Variants in AKAP13 observed in about 807,000 individuals in gnomAD.
AKAP13 encodes A-kinase anchoring protein 13, also known as A-kinase anchor protein 13.
AKAP13 carries 80 observed loss-of-function variants against 264.5 expected under a neutral mutation model. The observed-to-expected ratio is 0.30, with a 90% CI of 0.25 to 0.36. The LOEUF is 0.36. Among genes scored for constraint, AKAP13 ranks in the 10% least tolerant of loss-of-function variants. The probability of loss-of-function intolerance (pLI) is 1.00; values close to 1 mark genes in which losing one functional copy is unlikely to be tolerated. For missense variants in AKAP13, 3,712 were observed against 3,435.2 expected, an observed-to-expected ratio of 1.08 and a Z score of -2.01; for synonymous variants, 1,380 against 1,250.2, an observed-to-expected ratio of 1.10 and a Z score of -2.19.
chr15:85,698,943 CAAAAAAAAAAAA>C (rs10715702), intron 17 of AKAP13, among the ~76,000 whole-genome samples: 2 of 72,836 alleles, frequency 2.7e-5, no homozygotes, highest in East Asian at 8.9e-4. Flanking sequence ...GACCTTGTCT[CAAAAAAAAAAAA>C]AAAAAAAAAA....
intron 10 of AKAP13, among the ~76,000 whole-genome samples, chr15:85,647,483 A>G (rs2082608782): frequency 6.6e-6 from 1 of 151,990 alleles, no homozygotes; most frequent in African/African-American, 2.4e-5. Flanking sequence ...GCCTCTGTGA[A>G]TGTACCCTGT....
At chr15:85,453,462 G>A (rs949165730) in intron 1 of AKAP13, among the ~76,000 whole-genome samples, 1 of 152,242 alleles carries the variant, frequency 6.6e-6, no homozygotes, top group Non-Finnish European at 1.5e-5. Flanking sequence ...AGTGAAGACT[G>A]TGAAACAGCA....
At chr15:85,398,185 A>G (rs1011440193) in intron 1 of AKAP13, among the ~76,000 whole-genome samples, 2 of 152,108 alleles carry the variant, frequency 1.3e-5, no homozygotes, top group African/African-American at 4.8e-5. Context: ...TTATTTTGGC[A>G]GAACTTTATG....
intron 1 of AKAP13, among the ~76,000 whole-genome samples, chr15:85,464,178 C>T (rs1369959737): frequency 2.0e-5 from 3 of 152,186 alleles, no homozygotes; most frequent in Non-Finnish European, 2.9e-5. Context: ...GGCGACTTTC[C>T]TCTTCATAAA....
At chr15:85,501,632 A>T (rs1026649050) in intron 2 of AKAP13, among the ~76,000 whole-genome samples, 6 of 152,190 alleles carry the variant, frequency 3.9e-5, no homozygotes, top group Non-Finnish European at 5.9e-5. Flanking sequence ...TCATTTAATC[A>T]TCTTAATGAT....
intron 1 of AKAP13, among the ~76,000 whole-genome samples, chr15:85,436,461 G>C (rs1201276156): frequency 6.9e-6 from 1 of 144,014 alleles, no homozygotes; most frequent in Non-Finnish European, 1.5e-5. Flanking sequence ...TCTGCACCAA[G>C]CGGACCTAAT....
Position 85,719,307 on chromosome 15 carries a change from G to C in AKAP13, c.6233G>C (p.Gly2078Ala). ...AAGAACTTTCTCATCAAGAGGATAG[G>C]GGATGTGCTTGTAAATCAGGTGAGA... ...SEKNFLIKRIGDVLVNQFSGE... is the reference protein window; with the variant it reads ...SEKNFLIKRIADVLVNQFSGE... Residue 2078 changes from glycine to alanine, a missense_variant, in exon 23 of 37, where the codon GGG becomes GCG. This residue lies in a region of AKAP13 where 342 missense variants were observed against 484.3 expected (regional missense o/e 0.71). Transcript: ENST00000394518. 1 of 1,614,156 alleles carries C rather than the reference G, an allele frequency of 6.2e-7. No homozygotes were observed. The highest frequency in any genetic ancestry group is 8.5e-7 in the Non-Finnish European group (1 of 1,180,028).
intron 1 of AKAP13, among the ~76,000 whole-genome samples, chr15:85,422,671 A>G (rs2072576822): frequency 6.6e-6 from 1 of 152,210 alleles, no homozygotes; most frequent in Non-Finnish European, 1.5e-5. Context: ...TAAATTAGGA[A>G]AGAAAAACCA....
At chr15:85,443,331 A>G (rs762528478) in intron 1 of AKAP13, among the ~76,000 whole-genome samples, 11 of 152,184 alleles carry the variant, frequency 7.2e-5, no homozygotes, top group Non-Finnish European at 1.5e-4. Flanking sequence ...GAGAGAGCTT[A>G]GAGTTTTAAT....
chr15:85,554,992 C>G (rs1376438524), intron 5 of AKAP13, among the ~76,000 whole-genome samples: 1 of 152,008 alleles, frequency 6.6e-6, no homozygotes, highest in East Asian at 1.9e-4. Flanking sequence ...TCTCCTTATG[C>G]TAATTATTAA....
chr15:85,560,072 G>A (rs555750837), intron 5 of AKAP13, among the ~76,000 whole-genome samples: 5 of 127,694 alleles, frequency 3.9e-5, no homozygotes, highest in African/African-American at 5.9e-5. Flanking sequence ...CTGCGTCATG[G>A]TTTATTACTC....
intron 1 of AKAP13, among the ~76,000 whole-genome samples, chr15:85,401,706 G>A (rs1363093727): frequency 1.3e-5 from 2 of 152,156 alleles, no homozygotes; most frequent in Non-Finnish European, 2.9e-5. Flanking sequence ...CATTTCAGAG[G>A]ATTCTTCCTT....
At chr15:85,497,589 A>T (rs4360874) in intron 2 of AKAP13, among the ~76,000 whole-genome samples, 77,592 of 151,984 alleles carry the variant, frequency 0.51, 20,360 homozygotes, top group Middle Eastern at 0.61. Flanking sequence ...GGATACCTGG[A>T]GATGAGATTA....
chr15:85,628,369 G>T (rs773930117), intron 8 of AKAP13, among the ~76,000 whole-genome samples: 1 of 152,156 alleles, frequency 6.6e-6, no homozygotes. Flanking sequence ...TCAGTGTGTA[G>T]CTGACAGCAA....
intron 1 of AKAP13, among the ~76,000 whole-genome samples, chr15:85,469,692 A>T (rs763401889): frequency 6.6e-6 from 1 of 152,246 alleles, no homozygotes; most frequent in Non-Finnish European, 1.5e-5. Context: ...TTTGGCCAGA[A>T]CACATTAGAC....
intron 20 of AKAP13, 136 bp downstream of exon 20, chr15:85,716,059 C>G (rs948078225): frequency 9.0e-7 from 1 of 1,114,178 alleles, no homozygotes; most frequent in African/African-American, 1.7e-5. Context: ...CAGACAAGGA[C>G]GATGGGGATT....
intron 16 of AKAP13, among the ~76,000 whole-genome samples, chr15:85,687,512 C>T (rs1374609330): frequency 2.0e-5 from 3 of 152,124 alleles, no homozygotes; most frequent in Non-Finnish European, 4.4e-5. Context: ...GAGATTGGTT[C>T]CTCTTTCAGA....
At chr15:85,479,280 A>G (rs1471859166) in intron 1 of AKAP13, among the ~76,000 whole-genome samples, 15 of 152,200 alleles carry the variant, frequency 9.9e-5, no homozygotes, top group Admixed American at 9.2e-4. Flanking sequence ...GGGTTGAAGG[A>G]AAGAGTTTTT....
chr15:85,395,924 T>A (rs28440013), intron 1 of AKAP13, among the ~76,000 whole-genome samples: 33,914 of 151,992 alleles, frequency 0.22, 4,038 homozygotes, highest in East Asian at 0.3. Flanking sequence ...CTGCTTTGTT[T>A]ATTGCTGTAT....
Sources: gnomAD v4.1 joint callset for allele counts (sites outside exome capture counted in the v4.1 genomes callset) on GRCh38, gnomAD v4.1.1 for gene constraint, gnomAD v4.1.1 regional missense constraint, MANE v1.5 for transcripts, NCBI Gene and HGNC (gene_info 2026-07-23, HGNC 2026-07-21) for gene names.